Variants in WDR26 observed in about 807,000 individuals in gnomAD.
WDR26 encodes WD repeat-containing protein 26.
In WDR26, 5 loss-of-function variants were observed where a neutral mutation model predicts 84.1. The observed-to-expected ratio is 0.06, with a 90% CI of 0.03 to 0.13. The LOEUF (loss-of-function observed/expected upper bound fraction) is 0.13. Among genes scored for constraint, WDR26 ranks in the 10% least tolerant of loss-of-function variants. The pLI is 1.00. For missense variants in WDR26, 642 were observed against 974.9 expected, an observed-to-expected ratio of 0.66 and a Z score of 4.55; for synonymous variants, 415 against 389.6, an observed-to-expected ratio of 1.07 and a Z score of -0.77.
In WDR26 at chr1:224,434,728, C is replaced by T; in HGVS notation, c.-323G>A. On this transcript the variant is annotated 5_prime_UTR_variant, in exon 1 of 14. Transcript: ENST00000414423. ...GGCGGGCGGCAGCGGAGGCAGCTGC[C>T]GCCTCTGTCCTCGGATCCGCTCCGC... The T allele has an allele frequency of 4.1e-6, 4 of 983,332 alleles. No homozygotes were observed. Among genetic ancestry groups the T allele is most frequent in the Non-Finnish European group, 4.8e-6 (4 of 828,160 alleles). 60.9% of individuals were successfully genotyped at this position (983,332 alleles called of 1,614,324 possible). A position where few individuals can be genotyped will look rare whatever the true frequency, so the allele number is the denominator to read the frequency against.
At chr1:224,396,472 A>G (rs1014354023) in intron 12 of WDR26, among the ~76,000 whole-genome samples, 1 of 152,220 alleles carries the variant, frequency 6.6e-6, no homozygotes, top group Non-Finnish European at 1.5e-5. Flanking sequence ...TTAATTAGAA[A>G]CTAATGTCTA....
chr1:224,411,589 T>A (rs932783989), intron 6 of WDR26, 24 bp from the exon 7 acceptor site: 1 of 1,564,322 alleles, frequency 6.4e-7, no homozygotes, highest in Non-Finnish European at 8.6e-7. Flanking sequence ...GTCCACAAAT[T>A]ATTCTTTCAA....
intron 3 of WDR26, among the ~76,000 whole-genome samples, chr1:224,428,882 G>A (rs1014073371): frequency 5.3e-5 from 8 of 149,930 alleles, no homozygotes; most frequent in Admixed American, 5.3e-4. Context: ...CTCCAGTCTG[G>A]GCAATAAGAG....
In WDR26 at chr1:224,385,653, T is replaced by C. The variant is rs1226128519; in HGVS notation, c.*4182A>G. On this transcript the variant is annotated 3_prime_UTR_variant, in exon 14 of 14. Transcript: ENST00000414423. ...AAGTTCTTTTCTTGATCTCTACAGC[T>C]TGGTTTGTAAGTACATACATGCTTT... 6.6e-6 allele frequency: 1 copy of C among 152,666 alleles called. No homozygotes were observed. The highest frequency in any genetic ancestry group is 2.4e-5 in the African/African-American group (1 of 41,462). The allele number at this position is 152,666 out of a possible 1,614,324, so 9.5% of individuals were successfully genotyped here.
chr1:224,432,601 T>C (rs1016987210), intron 1 of WDR26, among the ~76,000 whole-genome samples: 1 of 152,230 alleles, frequency 6.6e-6, no homozygotes, highest in Admixed American at 6.5e-5. Flanking sequence ...ACTTAATTTT[T>C]AGCTAAACAG....
chr1:224,416,994 T>G (rs1260704416), intron 6 of WDR26, among the ~76,000 whole-genome samples: 2 of 152,310 alleles, frequency 1.3e-5, no homozygotes, highest in East Asian at 3.9e-4. Flanking sequence ...TGTAGAATAT[T>G]TAAGATATGT....
rs1476371372 is a variant in WDR26, at chr1:224,388,697, TTAAG to T, written c.*1134_*1137del. The T allele has an allele frequency of 6.6e-6, 1 of 152,636 alleles. No homozygotes were observed. The highest frequency in any genetic ancestry group is 1.9e-4 in the East Asian group (1 of 5,202). 9.5% of individuals were successfully genotyped at this position (152,636 alleles called of 1,614,324 possible). ...ATGACTATGAGGTTTTAATCCCAGT[TTAAG>T]TATGTCTGTAACCTGCTGAATTCTT... On this transcript the variant is annotated 3_prime_UTR_variant, in exon 14 of 14. Coordinates refer to ENST00000414423, the MANE Select transcript of WDR26 (RefSeq NM_001379403.1).
In WDR26 at chr1:224,414,761, C is replaced by T. The variant is rs1673844280; in HGVS notation, c.1320-3196G>A. Among the ~76,000 whole-genome samples the T allele has an allele frequency of 2.0e-5, 3 of 152,138 alleles. No individual in the cohort carries two copies. The South Asian group carries it at 6.2e-4, about 32-fold the overall frequency. ...TTGGAAGGACAAGGTGGGAGGATCA[C>T]CTGAGGCCAGGAGTTTGAGATTGGC... On this transcript the variant is annotated intron_variant, in intron 6 of 13. Coordinates refer to ENST00000414423, the MANE Select transcript of WDR26 (RefSeq NM_001379403.1).
At chr1:224,408,031 T>G (rs1349747277) in intron 7 of WDR26, among the ~76,000 whole-genome samples, 1 of 152,172 alleles carries the variant, frequency 6.6e-6, no homozygotes, top group Non-Finnish European at 1.5e-5. Context: ...GTAACACCTA[T>G]TAATTCTGCA....
rs1226281537 is a variant in WDR26 at position 224,433,703 on chromosome 1, A to G, written c.703T>C (p.Leu235=). 10 of 1,517,846 alleles carry G rather than the reference A, an allele frequency of 6.6e-6. No homozygotes were observed. The highest frequency in any genetic ancestry group is 8.8e-6 in the Non-Finnish European group (10 of 1,135,092). The allele number at this position is 1,517,846 out of a possible 1,614,324, so 94.0% of individuals were successfully genotyped here. Residue 235 remains leucine (L), a synonymous_variant, in exon 1 of 14, where the codon TTG becomes CTG. Coordinates refer to ENST00000414423, the MANE Select transcript of WDR26 (RefSeq NM_001379403.1). The stretch of plus-strand genomic sequence containing the variant: ...ACTTACTTGAGCCCTAAGCCATTCA[A>G]GTGCTGTCCTATTAGCCTAATGACA...
At chr1:224,404,687 C>T in intron 7 of WDR26, 117 bp from the exon 8 acceptor site, 2 of 1,289,660 alleles carry the variant, frequency 1.6e-6, no homozygotes, top group South Asian at 3.1e-5. Context: ...AGGAAATTTT[C>T]AGACCAATTT....
intron 7 of WDR26, among the ~76,000 whole-genome samples, chr1:224,408,699 C>T (rs1040182740): frequency 6.7e-6 from 1 of 148,568 alleles, no homozygotes; most frequent in Admixed American, 6.7e-5. Context: ...CCTAGAATGC[C>T]ACTTTCCTGT....
At chr1:224,395,967 T>C (rs936386992) in intron 12 of WDR26, among the ~76,000 whole-genome samples, 7 of 152,216 alleles carry the variant, frequency 4.6e-5, no homozygotes, top group African/African-American at 1.7e-4. Flanking sequence ...TTTTAATTGC[T>C]CTATTTTATA....
intron 4 of WDR26, among the ~76,000 whole-genome samples, chr1:224,420,576 C>T (rs1159597074): frequency 1.3e-5 from 2 of 152,172 alleles, no homozygotes; most frequent in African/African-American, 4.8e-5. Flanking sequence ...TCATCACTCC[C>T]TCCCTTTCTT....
In WDR26 at chr1:224,434,595, T is replaced by A; in HGVS notation, c.-190A>T. The A allele has an allele frequency of 2.3e-6, 1 of 438,738 alleles. No homozygotes were observed. Among genetic ancestry groups the A allele is most frequent in the Non-Finnish European group, 2.9e-6 (1 of 343,712 alleles). The allele number at this position is 438,738 out of a possible 1,614,324, so 27.2% of individuals were successfully genotyped here. The stretch of plus-strand genomic sequence containing the variant: ...TTCCCCCCCCCCTCCCGGAGGCAGC[T>A]CGGGGTGCGCGGCCCGGGGGTCGCG... On this transcript the variant is annotated 5_prime_UTR_variant, in exon 1 of 14. Coordinates refer to ENST00000414423, the MANE Select transcript of WDR26 (RefSeq NM_001379403.1).
intron 9 of WDR26, among the ~76,000 whole-genome samples, chr1:224,400,232 C>T (rs11576835): frequency 0.18 from 27,910 of 151,454 alleles, 2,817 homozygotes; most frequent in Middle Eastern, 0.23. Context: ...ACTCTGGTAG[C>T]ACCTGTCACC....
chr1:224,433,617 C>CCCAA, intron 1 of WDR26, 67 bp downstream of exon 1: 2 of 877,124 alleles, frequency 2.3e-6, no homozygotes, highest in Non-Finnish European at 1.5e-6. Context: ...TCCGCCCCTT[C>CCCAA]CCCTACCCCC....
chr1:224,401,177 TAAGTA>T (rs1673402476), intron 8 of WDR26, 108 bp from the exon 9 acceptor site: 1 of 1,067,646 alleles, frequency 9.4e-7, no homozygotes, highest in Non-Finnish European at 1.3e-6. Context: ...CAGTTCATTC[TAAGTA>T]GAGTAATGAA....
At chr1:224,411,704 C>CTT (rs376478237) in intron 6 of WDR26, 139 bp from the exon 7 acceptor site, 3,305 of 725,364 alleles carry the variant, frequency 4.6e-3, no homozygotes, top group Middle Eastern at 6.3e-3. Flanking sequence ...ATTTGTAAAT[C>CTT]TTTTTTTTTT....
Sources: gnomAD v4.1 joint callset for allele counts (sites outside exome capture counted in the v4.1 genomes callset) on GRCh38, gnomAD v4.1.1 for gene constraint, MANE v1.5 for transcripts, NCBI Gene and HGNC (gene_info 2026-07-23, HGNC 2026-07-21) for gene names.